Variants in MTARC1 observed in about 807,000 individuals in gnomAD.
MTARC1 encodes the protein mitochondrial amidoxime reducing component 1, also known as mitochondrial amidoxime-reducing component 1.
A neutral mutation model predicts 33.6 loss-of-function variants in MTARC1; 24 were observed. The ratio of observed to expected loss-of-function variants is 0.72; its 90% CI spans 0.52 to 1.01. MTARC1 has a LOEUF of 1.01. Among genes scored for constraint, MTARC1 ranks in the 50% least tolerant of loss-of-function variants. The pLI is 0.00. For missense variants in MTARC1, 417 were observed against 445.7 expected (o/e 0.94, Z 0.58); for synonymous variants, 187 against 189.5 (o/e 0.99, Z 0.11).
Position 220,813,585 on chromosome 1 carries a change from C to T in MTARC1, c.*167C>T. On this transcript the variant is annotated 3_prime_UTR_variant, in exon 7 of 7. Coordinates refer to ENST00000366910, the MANE Select transcript of MTARC1 (RefSeq NM_022746.4). ...TCTGGTGTCTCAATGCTTCAATGTCCCAGTGCAAAAAGTAAAGAAATATAG... is the reference window on the plus strand; with the variant it reads ...TCTGGTGTCTCAATGCTTCAATGTCTCAGTGCAAAAAGTAAAGAAATATAG... 1.2e-6 allele frequency: 1 copy of T among 811,502 alleles called. No individual in the cohort carries two copies. The highest frequency in any genetic ancestry group is 1.9e-6 in the Non-Finnish European group (1 of 527,706). 50.3% of individuals were successfully genotyped at this position (811,502 alleles called of 1,614,324 possible). A position where few individuals can be genotyped will look rare whatever the true frequency, so the allele number is the denominator to read the frequency against.
chr1:220,809,905 C>CAGAT (rs1316509247), intron 6 of MTARC1, among the ~76,000 whole-genome samples: 1 of 152,192 alleles, frequency 6.6e-6, no homozygotes, highest in Non-Finnish European at 1.5e-5. Context: ...GGGCAGTGAC[C>CAGAT]AGATACTCTG....
intron 4 of MTARC1, among the ~76,000 whole-genome samples, chr1:220,800,077 T>C (rs545130729): frequency 6.6e-6 from 1 of 152,246 alleles, no homozygotes; most frequent in African/African-American, 2.4e-5. Context: ...GCTGAAGCCA[T>C]TTCCACCCCA....
At chr1:220,789,427 G>T (rs781415760) in intron 1 of MTARC1, among the ~76,000 whole-genome samples, 49 of 149,126 alleles carry the variant, frequency 3.3e-4, no homozygotes, top group Non-Finnish European at 6.7e-4. Flanking sequence ...ACTAACAACA[G>T]CTGATGAGCA....
At chr1:220,805,364 T>A in intron 6 of MTARC1, 90 bp downstream of exon 6, 1 of 1,351,090 alleles carries the variant, frequency 7.4e-7, no homozygotes, top group Non-Finnish European at 1.1e-6. Flanking sequence ...GAGGAAGCAG[T>A]GAAAACACCA....
chr1:220,812,050 T>TG (rs777936817), intron 6 of MTARC1, among the ~76,000 whole-genome samples: 1 of 152,216 alleles, frequency 6.6e-6, no homozygotes, highest in Non-Finnish European at 1.5e-5. Flanking sequence ...TACTCGTAGC[T>TG]GGGGGAACCT....
At position 220,816,621 on chromosome 1, in the gene MTARC1, T is replaced by G. The variant is rs1343974981; in HGVS notation, c.*3203T>G. ...CAAAGGTCTGTTTTTGACTGTCTTT[T>G]GAGAAATGATCCTCTGATCTCTAGG... On this transcript the variant is annotated 3_prime_UTR_variant, in exon 7 of 7. Coordinates refer to ENST00000366910, the MANE Select transcript of MTARC1 (RefSeq NM_022746.4). 1 of 152,248 alleles carries G rather than the reference T, an allele frequency of 6.6e-6. No individual in the cohort carries two copies. The allele number at this position is 152,248 out of a possible 1,614,324, so 9.4% of individuals were successfully genotyped here.
intron 6 of MTARC1, among the ~76,000 whole-genome samples, chr1:220,809,685 T>G (rs1673070386): frequency 6.6e-6 from 1 of 152,134 alleles, no homozygotes; most frequent in Admixed American, 6.5e-5. Flanking sequence ...AATTTTTGTA[T>G]TTTTAGTAGA....
At position 220,813,784 on chromosome 1, in the gene MTARC1, AAG is replaced by A. The variant is rs1673212339; in HGVS notation, c.*369_*370del. The A allele has an allele frequency of 5.0e-6, 1 of 199,376 alleles. No individual in the cohort carries two copies. The highest frequency in any genetic ancestry group is 2.3e-5 in the African/African-American group (1 of 43,564). The allele number at this position is 199,376 out of a possible 1,614,324, so 12.4% of individuals were successfully genotyped here. A position where few individuals can be genotyped will look rare whatever the true frequency, so the allele number is the denominator to read the frequency against. On this transcript the variant is annotated 3_prime_UTR_variant, in exon 7 of 7. Transcript: ENST00000366910. ...CTCGTTAGAGAAAGAGAAGAAGAGA[AAG>A]AGGAAGAGTGGGTGGGCTGGAAGAA...
At chr1:220,792,394 C>A (rs1672453138) in intron 2 of MTARC1, among the ~76,000 whole-genome samples, 2 of 152,070 alleles carry the variant, frequency 1.3e-5, no homozygotes, top group Admixed American at 6.6e-5. Flanking sequence ...CAGTTATATT[C>A]TTGTTATAGT....
intron 6 of MTARC1, among the ~76,000 whole-genome samples, chr1:220,812,513 G>A (rs1673167427): frequency 6.6e-6 from 1 of 152,216 alleles, no homozygotes; most frequent in African/African-American, 2.4e-5. Context: ...ATGAGGAAAA[G>A]CAAGCCAAGT....
chr1:220,789,914 A>T (rs1558083140), intron 1 of MTARC1, among the ~76,000 whole-genome samples: 1 of 152,234 alleles, frequency 6.6e-6, no homozygotes, highest in Non-Finnish European at 1.5e-5. Context: ...GGGGAAGGGG[A>T]AAACGAGGAG....
rs374402930 is a variant in MTARC1 at position 220,787,240 on chromosome 1, G to C, written c.275+21G>C. The stretch of plus-strand genomic sequence containing the variant: ...GACAGGTACGGCCAAGCGCCGGCGC[G>C]GGGCAGCGCTGATCCGGCTCGGGGC... On this transcript the variant is annotated intron_variant, in intron 1 of 6. Coordinates refer to ENST00000366910, the MANE Select transcript of MTARC1 (RefSeq NM_022746.4). 7.3e-5 allele frequency: 113 copies of C among 1,549,354 alleles called. 1 individual carries two copies. The African/African-American group carries it at 1.5e-3, about 20-fold the overall frequency.
chr1:220,788,133 A>C (rs1416238443), intron 1 of MTARC1, among the ~76,000 whole-genome samples: 1 of 152,230 alleles, frequency 6.6e-6, no homozygotes, highest in Admixed American at 6.5e-5. Context: ...ACAGCAGCAG[A>C]ACCAGGACTC....
chr1:220,793,172 T>A (rs923699213), intron 2 of MTARC1: 3 of 152,222 alleles, frequency 2.0e-5, no homozygotes, highest in African/African-American at 7.2e-5. Flanking sequence ...TGATAATTTC[T>A]TGTTAATTTA....
chr1:220,811,823 C>T lies in MTARC1; in HGVS notation c.888-1469C>T, dbSNP rs72472357. Among the ~76,000 whole-genome samples the T allele has an allele frequency of 7.4e-3, 1,127 of 152,286 alleles. 17 individuals carry two copies. Among genetic ancestry groups the T allele is most frequent in the African/African-American group, 0.025 (1,045 of 41,554 alleles). On this transcript the variant is annotated intron_variant, in intron 6 of 6. Transcript: ENST00000366910. ...TCATATTTATACTGCCTCTGACAGA[C>T]GGTTTTACTCATGAGCATACTAATC...
At chr1:220,801,766 G>A (rs1465298831) in intron 4 of MTARC1, among the ~76,000 whole-genome samples, 6 of 152,114 alleles carry the variant, frequency 3.9e-5, no homozygotes, top group Admixed American at 2.0e-4. Context: ...TAGCGCAGGC[G>A]GGGCCAGGGT....
At chr1:220,798,256 G>T in intron 4 of MTARC1, 1 of 1,422,432 alleles carries the variant, frequency 7.0e-7, no homozygotes, top group African/African-American at 1.4e-5. Flanking sequence ...AGGCTTCTAA[G>T]GAGAATTCTG....
rs1406952726 is a variant in MTARC1 at position 220,817,438 on chromosome 1, C to T, written c.*4020C>T. The stretch of plus-strand genomic sequence containing the variant: ...TGCTGCTGCTGGCTGGGGTGGCCAC[C>T]TTTTATTCCCTTATTTGTCCCTGCC... On this transcript the variant is annotated 3_prime_UTR_variant, in exon 7 of 7. Transcript: ENST00000366910. The T allele has an allele frequency of 6.6e-6, 1 of 152,384 alleles. No homozygotes were observed. Among genetic ancestry groups the T allele is most frequent in the Non-Finnish European group, 1.5e-5 (1 of 68,222 alleles). 9.4% of individuals were successfully genotyped at this position (152,384 alleles called of 1,614,324 possible).
chr1:220,789,879 G>C (rs1248130736), intron 1 of MTARC1, among the ~76,000 whole-genome samples: 2 of 152,162 alleles, frequency 1.3e-5, no homozygotes, highest in African/African-American at 4.8e-5. Flanking sequence ...TAGAGACAAA[G>C]TGGATTAGAT....
Sources: gnomAD v4.1 joint callset for allele counts (sites outside exome capture counted in the v4.1 genomes callset) on GRCh38, gnomAD v4.1.1 for gene constraint, MANE v1.5 for transcripts, NCBI Gene and HGNC (gene_info 2026-07-23, HGNC 2026-07-21) for gene names.